HDAC9: variants seen among roughly 807,000 people sequenced by gnomAD.
HDAC9 encodes MEF-2 interacting transcription repressor (MITR) protein.
A neutral mutation model predicts 139.4 loss-of-function variants in HDAC9; 41 were observed. The observed-to-expected ratio is 0.29, with a 90% CI of 0.23 to 0.38. HDAC9 has a LOEUF of 0.38. Among genes scored for constraint, HDAC9 ranks in the 10% least tolerant of loss-of-function variants. The pLI is 1.00. For missense variants in HDAC9, 1,147 were observed against 1,297.0 expected (o/e 0.88, Z 1.78); for synonymous variants, 517 against 476.2 (o/e 1.09, Z -1.12).
intron 1 of HDAC9, among the ~76,000 whole-genome samples, chr7:18,121,886 C>T (rs900534338): frequency 6.6e-6 from 1 of 152,080 alleles, no homozygotes; most frequent in South Asian, 2.1e-4. Flanking sequence ...TAACAGTTTA[C>T]AAAGAAGAGA....
intron 21 of HDAC9, among the ~76,000 whole-genome samples, chr7:18,873,236 A>C (rs993834128): frequency 9.2e-5 from 14 of 152,180 alleles, no homozygotes; most frequent in Admixed American, 5.9e-4. Flanking sequence ...TGTATAGTAA[A>C]TAAAATTAGG....
In HDAC9 at chr7:18,762,269, T is replaced by C. The variant is rs1446508625; in HGVS notation, c.2156T>C (p.Ile719Thr). Reference protein sequence around the residue: ...PLDGQKLDPRILLGDDSQKFF... With the variant: ...PLDGQKLDPRTLLGDDSQKFF... ...GACGGACAGAAGCTGGACCCCAGGA[T>C]ACTCCTAGGTCTGTACGGGCCTCCA... The change falls in exon 15 of 26, where the codon ATA (isoleucine) becomes ACA (threonine). Residue 719 changes from isoleucine (I) to threonine (T), a missense_variant. Around this residue, in one of 7 missense-constraint regions of HDAC9, gnomAD observed 407 missense variants for 521.5 expected, o/e 0.78. Coordinates refer to ENST00000686413, the MANE Select transcript of HDAC9 (RefSeq NM_178425.4). 6 of 1,613,340 alleles carry C rather than the reference T, an allele frequency of 3.7e-6. No homozygotes were observed. In the South Asian group the frequency reaches 5.5e-5, roughly 15 times the overall value.
intron 1 of HDAC9, among the ~76,000 whole-genome samples, chr7:18,439,840 C>G (rs1791580491): frequency 6.6e-6 from 1 of 152,174 alleles, no homozygotes; most frequent in Non-Finnish European, 1.5e-5. Flanking sequence ...TACATACACA[C>G]ACACAAACAC....
intron 12 of HDAC9, chr7:18,667,048 C>T (rs762351781): frequency 3.0e-6 from 3 of 985,250 alleles, no homozygotes; most frequent in Non-Finnish European, 2.4e-6. Context: ...GGTCACCATG[C>T]CAGTAGTCCT....
intron 17 of HDAC9, among the ~76,000 whole-genome samples, chr7:18,817,027 A>C (rs956759782): frequency 7.0e-6 from 1 of 143,646 alleles, no homozygotes; most frequent in African/African-American, 2.8e-5. Flanking sequence ...TACCTAGGTG[A>C]GAAGTTTTTT....
chr7:18,589,431 G>A (rs1283553766), intron 3 of HDAC9, among the ~76,000 whole-genome samples: 4 of 152,110 alleles, frequency 2.6e-5, no homozygotes, highest in Non-Finnish European at 5.9e-5. Flanking sequence ...CAACTTAAGA[G>A]GCTAAGGTGG....
At chr7:18,498,006 G>A (rs965497861) in intron 2 of HDAC9, among the ~76,000 whole-genome samples, 3 of 152,062 alleles carry the variant, frequency 2.0e-5, no homozygotes, top group Non-Finnish European at 2.9e-5. Context: ...AAAGCAACAA[G>A]ATTTTCAGAC....
At chr7:18,646,181 A>C (rs1482882651) in intron 9 of HDAC9, among the ~76,000 whole-genome samples, 1 of 152,170 alleles carries the variant, frequency 6.6e-6, no homozygotes, top group Non-Finnish European at 1.5e-5. Context: ...TGATAAGTAA[A>C]TACCAACCCA....
intron 1 of HDAC9, among the ~76,000 whole-genome samples, chr7:18,379,278 G>A (rs1032034313): frequency 3.0e-4 from 45 of 152,162 alleles, no homozygotes; most frequent in African/African-American, 1.0e-3. Context: ...TCCAACATTA[G>A]TGGTCACTGT....
At chr7:18,578,135 A>G (rs752565174) in intron 2 of HDAC9, 1 of 518,754 alleles carries the variant, frequency 1.9e-6, no homozygotes, top group Non-Finnish European at 3.8e-6. Flanking sequence ...AACTGTGGGT[A>G]TTTTATGATT....
intron 2 of HDAC9, among the ~76,000 whole-genome samples, chr7:18,177,153 G>A (rs1788982137): frequency 1.3e-5 from 2 of 152,098 alleles, no homozygotes; most frequent in Non-Finnish European, 2.9e-5. Context: ...CCTAAGTCCA[G>A]AAAAGATTTG....
chr7:18,915,419 T>C (rs1432385223), intron 22 of HDAC9, among the ~76,000 whole-genome samples: 1 of 151,998 alleles, frequency 6.6e-6, no homozygotes, highest in Non-Finnish European at 1.5e-5. Flanking sequence ...CAAACTATTT[T>C]TTTTTTAAGT....
chr7:18,182,831 G>T (rs1320781438), intron 2 of HDAC9, among the ~76,000 whole-genome samples: 1 of 152,050 alleles, frequency 6.6e-6, no homozygotes, highest in Admixed American at 6.5e-5. Context: ...TTCAAAGACA[G>T]GAATTTAAGA....
At chr7:18,162,415 C>A in intron 2 of HDAC9, 4 of 1,353,872 alleles carry the variant, frequency 3.0e-6, no homozygotes, top group Admixed American at 2.3e-5. Context: ...TGTGTTGTTT[C>A]AAACCAAGTA....
At chr7:18,692,892 T>G (rs1405748034) in intron 12 of HDAC9, among the ~76,000 whole-genome samples, 1 of 152,122 alleles carries the variant, frequency 6.6e-6, no homozygotes, top group Non-Finnish European at 1.5e-5. Context: ...TTCAGTCAGA[T>G]GTTTGTAGTA....
intron 2 of HDAC9, among the ~76,000 whole-genome samples, chr7:18,189,569 C>T (rs1264859227): frequency 2.0e-5 from 3 of 152,122 alleles, no homozygotes; most frequent in African/African-American, 7.2e-5. Context: ...CCAGAATCTG[C>T]AAGGATTTAC....
chr7:18,186,187 G>A (rs559300738), intron 2 of HDAC9, among the ~76,000 whole-genome samples: 141 of 152,312 alleles, frequency 9.3e-4, no homozygotes, highest in African/African-American at 3.3e-3. Context: ...CTGAATTTAG[G>A]CAGTCCAACA....
intron 2 of HDAC9, among the ~76,000 whole-genome samples, chr7:18,209,843 G>C (rs1791805752): frequency 6.6e-6 from 1 of 151,944 alleles, no homozygotes; most frequent in African/African-American, 2.4e-5. Context: ...TGGGACTACG[G>C]GCGCCCGCCA....
intron 22 of HDAC9, among the ~76,000 whole-genome samples, chr7:18,901,309 A>G (rs1347830070): frequency 6.7e-6 from 1 of 150,146 alleles, no homozygotes; most frequent in East Asian, 1.9e-4. Context: ...TGTTCCTGTG[A>G]TTCTTTGACT....
Sources: allele counts gnomAD v4.1 joint callset (sites outside exome capture counted in the v4.1 genomes callset), GRCh38; gene constraint gnomAD v4.1.1; regional missense constraint gnomAD v4.1.1; transcripts MANE v1.5; gene names NCBI Gene and HGNC (gene_info 2026-07-23, HGNC 2026-07-21).